Variants in ANKH observed in about 807,000 individuals in gnomAD.
ANKH encodes the protein ANKH inorganic pyrophosphate transport regulator.
ANKH carries 15 observed loss-of-function variants against 49.0 expected under a neutral mutation model. That is an observed-to-expected ratio of 0.31 (90% confidence interval 0.20 to 0.47). ANKH has a LOEUF of 0.47. Among genes scored for constraint, ANKH ranks in the 20% least tolerant of loss-of-function variants. The pLI is 1.00. For synonymous variants in ANKH, 273 were observed against 260.0 expected (o/e 1.05, Z -0.48); for missense variants, 429 against 652.0 (o/e 0.66, Z 3.72).
chr5:14,867,608 G>A (rs555639985), intron 1 of ANKH, among the ~76,000 whole-genome samples: 2 of 151,896 alleles, frequency 1.3e-5, no homozygotes, highest in African/African-American at 4.8e-5. Flanking sequence ...GCCGGACTGC[G>A]GACTGCAGTG....
chr5:14,816,394 G>C (rs891611346), intron 1 of ANKH, among the ~76,000 whole-genome samples: 1 of 152,134 alleles, frequency 6.6e-6, no homozygotes, highest in Non-Finnish European at 1.5e-5. Flanking sequence ...TTGTGTGGAT[G>C]ATTTTTTTTT....
chr5:14,793,044 A>C (rs1740242084), intron 1 of ANKH, among the ~76,000 whole-genome samples: 1 of 45,690 alleles, frequency 2.2e-5, no homozygotes, highest in Non-Finnish European at 4.2e-5. Context: ...AAAAATATAT[A>C]TATAAATATA....
At chr5:14,841,917 A>G (rs1365860112) in intron 1 of ANKH, among the ~76,000 whole-genome samples, 2 of 152,208 alleles carry the variant, frequency 1.3e-5, no homozygotes, top group Non-Finnish European at 2.9e-5. Context: ...ATATGTGATC[A>G]TTTAGTTCAC....
intron 8 of ANKH, chr5:14,724,587 T>C (rs1459508620): frequency 1.6e-5 from 16 of 985,220 alleles, no homozygotes; most frequent in Non-Finnish European, 1.9e-5. Flanking sequence ...AGAGCTTGGT[T>C]TTCTGAGCTA....
intron 8 of ANKH, among the ~76,000 whole-genome samples, chr5:14,733,784 C>T (rs1738080017): frequency 1.3e-5 from 2 of 152,202 alleles, no homozygotes; most frequent in Admixed American, 1.3e-4. Context: ...CCCCGTGTGC[C>T]TCACAGCCTC....
chr5:14,859,637 G>T (rs1163234923), intron 1 of ANKH, among the ~76,000 whole-genome samples: 2 of 152,198 alleles, frequency 1.3e-5, no homozygotes, highest in Non-Finnish European at 2.9e-5. Context: ...AGTTACAAAG[G>T]CTGGCTCAGG....
intron 8 of ANKH, among the ~76,000 whole-genome samples, chr5:14,738,844 G>C (rs1738265589): frequency 6.6e-6 from 1 of 152,144 alleles, no homozygotes; most frequent in African/African-American, 2.4e-5. Context: ...GAGCATAAAT[G>C]AGAAGATTGC....
chr5:14,832,931 C>T (rs1431802150), intron 1 of ANKH, among the ~76,000 whole-genome samples: 1 of 152,212 alleles, frequency 6.6e-6, no homozygotes, highest in Non-Finnish European at 1.5e-5. Context: ...TACTAGCCGA[C>T]CTTCCCGTGG....
In ANKH at chr5:14,712,931, G is replaced by A. The variant is rs376655130; in HGVS notation, c.1308C>T (p.Gly436=). ...CGACCATGGTGGATTCTCCCACAAAGCCCGCCAGGAGGGAGCCCACGCCCA... is the reference window on the plus strand; with the variant it reads ...CGACCATGGTGGATTCTCCCACAAAACCCGCCAGGAGGGAGCCCACGCCCA... ...ATLGVGSLLA[G]FVGESTMVAI... The change falls in exon 11 of 12, where the codon GGC becomes GGT. Residue 436 remains glycine, a synonymous_variant. Transcript: ENST00000284268. The A allele has an allele frequency of 6.2e-6, 10 of 1,613,522 alleles. No homozygotes were observed. The African/African-American group carries it at 1.2e-4, about 19-fold the overall frequency.
At chr5:14,724,903 T>G (rs1274251642) in intron 8 of ANKH, among the ~76,000 whole-genome samples, 3 of 152,188 alleles carry the variant, frequency 2.0e-5, no homozygotes, top group Non-Finnish European at 2.9e-5. Flanking sequence ...TCACAAAGGC[T>G]TCCCCATTGC....
chr5:14,798,275 C>A, intron 1 of ANKH: 1 of 1,603,600 alleles, frequency 6.2e-7, no homozygotes, highest in Admixed American at 1.7e-5. Flanking sequence ...TTAGGCTGGG[C>A]CACTCCAGAG....
At position 14,761,454 on chromosome 5, in the gene ANKH, G is replaced by C. The variant is rs143997858; in HGVS notation, c.314-2856C>G. Among the ~76,000 whole-genome samples, 75 of 152,220 alleles carry C rather than the reference G, an allele frequency of 4.9e-4. No homozygotes were observed. The East Asian group carries it at 0.013, about 27-fold the overall frequency. On this transcript the variant is annotated intron_variant, in intron 2 of 11. Coordinates refer to ENST00000284268, the MANE Select transcript of ANKH (RefSeq NM_054027.6). ...AGTCTGCATGTAGCGCCCAGAAATA[G>C]AGATCAATACACATAAGCTTCTCCC...
intron 8 of ANKH, among the ~76,000 whole-genome samples, chr5:14,718,133 G>A (rs1737540873): frequency 6.6e-6 from 1 of 152,152 alleles, no homozygotes; most frequent in South Asian, 2.1e-4. Flanking sequence ...GTCTCCCAAT[G>A]AAGCAGCCGC....
intron 1 of ANKH, among the ~76,000 whole-genome samples, chr5:14,842,601 T>C (rs998396099): frequency 2.6e-5 from 4 of 152,124 alleles, no homozygotes; most frequent in Admixed American, 6.5e-5. Flanking sequence ...AAAACTAAAA[T>C]GGACTGATCA....
At position 14,710,837 on chromosome 5, in the gene ANKH, C is replaced by T. The variant is rs1394067726; in HGVS notation, c.*360G>A. On this transcript the variant is annotated 3_prime_UTR_variant, in exon 12 of 12. Coordinates refer to ENST00000284268, the MANE Select transcript of ANKH (RefSeq NM_054027.6). ...GTCTGTGGCCTGCTGTGCAGGGTGA[C>T]CGAGGCGCGATGGCACAGCTGCAGT... is the stretch of plus-strand genomic sequence containing the variant. 1.2e-5 allele frequency: 4 copies of T among 338,428 alleles called. No individual in the cohort carries two copies. Among genetic ancestry groups the T allele is most frequent in the African/African-American group, 6.4e-5 (3 of 46,652 alleles). The allele number at this position is 338,428 out of a possible 1,614,324, so 21.0% of individuals were successfully genotyped here.
intron 1 of ANKH, among the ~76,000 whole-genome samples, chr5:14,848,765 A>G (rs555092730): frequency 1.1e-4 from 16 of 152,244 alleles, no homozygotes; most frequent in Non-Finnish European, 2.4e-4. Context: ...TAACAGAGCT[A>G]TAACACTCAC....
chr5:14,742,790 G>A (rs1264055829), intron 7 of ANKH, among the ~76,000 whole-genome samples: 3 of 152,236 alleles, frequency 2.0e-5, no homozygotes, highest in South Asian at 2.1e-4. Flanking sequence ...AGGACTGCAG[G>A]GGGCTCAGAT....
At position 14,737,751 on chromosome 5, in the gene ANKH, C is replaced by T. The variant is rs76928576; in HGVS notation, c.1011+4076G>A. 0.013 allele frequency among the ~76,000 whole-genome samples: 1,970 copies of T among 152,364 alleles called. 49 individuals carry two copies. The highest frequency in any genetic ancestry group is 0.045 in the African/African-American group (1,880 of 41,586). ...GAAATGTGCTTCCCTTCACCCCAAA[C>T]AGCTGCTTGTCAGTCAGCAGGCGCC... On this transcript the variant is annotated intron_variant, in intron 8 of 11. Coordinates refer to ENST00000284268, the MANE Select transcript of ANKH (RefSeq NM_054027.6). The surrounding 1 kb of genome is among the most constrained non-coding windows in gnomAD (Gnocchi z 5.0).
At chr5:14,751,886 T>C (rs1370276176) in intron 4 of ANKH, among the ~76,000 whole-genome samples, 1 of 152,142 alleles carries the variant, frequency 6.6e-6, no homozygotes, top group African/African-American at 2.4e-5. Context: ...CCTTTCCCTC[T>C]CGAGGCTGGA....
Sources: gnomAD v4.1 joint callset for allele counts (sites outside exome capture counted in the v4.1 genomes callset) on GRCh38, gnomAD v4.1.1 for gene constraint, Gnocchi (gnomAD v3.1) non-coding constraint, MANE v1.5 for transcripts, NCBI Gene and HGNC (gene_info 2026-07-23, HGNC 2026-07-21) for gene names.